SLC14A2: variants seen among roughly 807,000 people sequenced by gnomAD.
SLC14A2 encodes the protein urea transporter 2.
In SLC14A2, 91 loss-of-function variants were observed where a neutral mutation model predicts 104.6. The observed-to-expected ratio is 0.87, with a 90% confidence interval of 0.73 to 1.04. The LOEUF (loss-of-function observed/expected upper bound fraction) is 1.04, where lower values mean the gene tolerates loss of function less well. Ranked by LOEUF, SLC14A2 falls within the 50% of genes least tolerant of loss-of-function variation. The pLI is 0.00. For synonymous variants in SLC14A2, 476 were observed against 466.4 expected, an observed-to-expected ratio of 1.02 and a Z score of -0.27; for missense variants, 1,189 against 1,156.0, an observed-to-expected ratio of 1.03 and a Z score of -0.41.
In SLC14A2 at chr18:45,293,949, C is replaced by T. The variant is rs1009363256; in HGVS notation, c.-125+80758C>T. Among the ~76,000 whole-genome samples the T allele has an allele frequency of 6.6e-5, 10 of 152,192 alleles. No individual in the cohort carries two copies. In the East Asian group the frequency reaches 1.2e-3, roughly 18 times the overall value. ...TTCTAGAAGATAACTGAGCGAGATG[C>T]GAAACAAATAACAGCTTGTTTTGCA... On this transcript the variant is annotated intron_variant, in intron 1 of 20. Transcript: ENST00000586448.
intron 1 of SLC14A2, among the ~76,000 whole-genome samples, chr18:45,457,120 A>G (rs913109583): frequency 6.6e-6 from 1 of 152,178 alleles, no homozygotes; most frequent in Non-Finnish European, 1.5e-5. Context: ...AGTAAGTTAT[A>G]ACAAAGCACA....
chr18:45,678,891 A>G, intron 18 of SLC14A2, 84 bp from the exon 19 acceptor site: 1 of 1,244,566 alleles, frequency 8.0e-7, no homozygotes, highest in Non-Finnish European at 1.1e-6. Flanking sequence ...CATAAAATTG[A>G]TGGGAAGAGA....
intron 1 of SLC14A2, among the ~76,000 whole-genome samples, chr18:45,390,112 G>A (rs1305948237): frequency 6.6e-6 from 1 of 152,202 alleles, no homozygotes; most frequent in African/African-American, 2.4e-5. Flanking sequence ...TGGAACTGCA[G>A]AACATAGGGA....
At chr18:45,627,598 G>A (rs192943711) in intron 4 of SLC14A2, among the ~76,000 whole-genome samples, 1 of 152,218 alleles carries the variant, frequency 6.6e-6, no homozygotes, top group Non-Finnish European at 1.5e-5. Flanking sequence ...CGAGGAGAGA[G>A]AGGAGGACAG....
At chr18:45,649,928 C>T (rs1052821390) in intron 10 of SLC14A2, among the ~76,000 whole-genome samples, 3 of 152,222 alleles carry the variant, frequency 2.0e-5, no homozygotes, top group East Asian at 1.9e-4. Context: ...AGCCCAGGGG[C>T]GTGTCTTTTC....
intron 5 of SLC14A2, 65 bp from the exon 6 acceptor site, chr18:45,636,925 G>A: frequency 7.5e-7 from 1 of 1,330,612 alleles, no homozygotes; most frequent in Non-Finnish European, 1.1e-6. Flanking sequence ...AGTGGCCAGA[G>A]CTGCTGAGAC....
At chr18:45,223,499 C>T (rs1328899394) in intron 1 of SLC14A2, among the ~76,000 whole-genome samples, 1 of 152,192 alleles carries the variant, frequency 6.6e-6, no homozygotes, top group Non-Finnish European at 1.5e-5. Context: ...AAATCCTGGT[C>T]TCTACTAATG....
At chr18:45,474,856 G>A (rs1358422749) in intron 1 of SLC14A2, among the ~76,000 whole-genome samples, 3 of 151,924 alleles carry the variant, frequency 2.0e-5, no homozygotes, top group Non-Finnish European at 4.4e-5. Flanking sequence ...TTTTTGAAGG[G>A]TTTTTTGTGT....
chr18:45,184,806 G>A, the SLC14A2 span, among the ~76,000 whole-genome samples: 1 of 152,186 alleles, frequency 6.6e-6, no homozygotes, highest in Admixed American at 6.5e-5. Context: ...AAGTAGAGCA[G>A]GTTTCAAAGC....
chr18:45,247,650 T>C (rs2084380108), intron 1 of SLC14A2, among the ~76,000 whole-genome samples: 1 of 152,058 alleles, frequency 6.6e-6, no homozygotes, highest in Non-Finnish European at 1.5e-5. Flanking sequence ...ACTGGACCAA[T>C]TATAGAATCT....
intron 4 of SLC14A2, among the ~76,000 whole-genome samples, chr18:45,631,767 A>G (rs1404057341): frequency 6.6e-6 from 1 of 152,180 alleles, no homozygotes; most frequent in Non-Finnish European, 1.5e-5. Context: ...GACTACAGGC[A>G]TGCACTATCA....
At chr18:45,177,742 T>C in the SLC14A2 span, among the ~76,000 whole-genome samples, 1 of 152,218 alleles carries the variant, frequency 6.6e-6, no homozygotes, top group African/African-American at 2.4e-5. Context: ...TCCTGAGACA[T>C]GAGATCAGAT....
At chr18:45,246,199 CCACGTGAGAA>C (rs2084365935) in intron 1 of SLC14A2, among the ~76,000 whole-genome samples, 1 of 152,054 alleles carries the variant, frequency 6.6e-6, no homozygotes, top group Admixed American at 6.5e-5. Context: ...AGAGGAAAGG[CCACGTGAGAA>C]CACAATGAGA....
At chr18:45,588,207 G>A (rs959174943) in intron 2 of SLC14A2, among the ~76,000 whole-genome samples, 2 of 152,178 alleles carry the variant, frequency 1.3e-5, no homozygotes, top group African/African-American at 4.8e-5. Flanking sequence ...GAAAATAGAA[G>A]GAACTGGCTG....
At chr18:45,658,969 T>A (rs1265181903) in intron 10 of SLC14A2, among the ~76,000 whole-genome samples, 1 of 152,150 alleles carries the variant, frequency 6.6e-6, no homozygotes, top group African/African-American at 2.4e-5. Context: ...CACAGGATGA[T>A]GGCAATCCTC....
At chr18:45,659,502 A>G (rs1479514239) in intron 10 of SLC14A2, among the ~76,000 whole-genome samples, 2 of 151,974 alleles carry the variant, frequency 1.3e-5, no homozygotes, top group African/African-American at 4.8e-5. Flanking sequence ...TCCATGGCCT[A>G]TTTTCTTCTC....
intron 1 of SLC14A2, among the ~76,000 whole-genome samples, chr18:45,402,070 C>T (rs1057417082): frequency 6.6e-6 from 1 of 152,084 alleles, no homozygotes; most frequent in Non-Finnish European, 1.5e-5. Flanking sequence ...AGCCAAATCC[C>T]CCTCTAGCCA....
chr18:45,462,051 C>T (rs1418268775), intron 1 of SLC14A2, among the ~76,000 whole-genome samples: 1 of 152,150 alleles, frequency 6.6e-6, no homozygotes, highest in Admixed American at 6.5e-5. Context: ...TGGCCCTCTC[C>T]AAGCACCAGA....
the SLC14A2 span, among the ~76,000 whole-genome samples, chr18:45,194,286 G>T: frequency 6.6e-6 from 1 of 152,192 alleles, no homozygotes; most frequent in Non-Finnish European, 1.5e-5. Context: ...ATCCTAGGGA[G>T]AAAGCCTTTA....
Sources: allele counts gnomAD v4.1 joint callset (sites outside exome capture counted in the v4.1 genomes callset), GRCh38; gene constraint gnomAD v4.1.1; transcripts MANE v1.5; gene names NCBI Gene and HGNC (gene_info 2026-07-23, HGNC 2026-07-21).